PAPSS1: variants seen among roughly 807,000 people sequenced by gnomAD.
PAPSS1 encodes 3'-phosphoadenosine 5'-phosphosulfate synthase 1, also known as bifunctional 3'-phosphoadenosine 5'-phosphosulfate synthase 1.
In PAPSS1, 50 loss-of-function variants were observed where a neutral mutation model predicts 72.0. The observed-to-expected ratio is 0.69, with a 90% CI of 0.55 to 0.88. The LOEUF (loss-of-function observed/expected upper bound fraction) is 0.88, where lower values mean the gene tolerates loss of function less well. Ranked by LOEUF, PAPSS1 falls within the 40% of genes least tolerant of loss-of-function variation. The pLI is 0.00. For synonymous variants in PAPSS1, 261 were observed against 263.6 expected, an observed-to-expected ratio of 0.99 and a Z score of 0.09; for missense variants, 657 against 782.2, an observed-to-expected ratio of 0.84 and a Z score of 1.91.
chr4:107,659,607 A>C (rs1055036762), intron 6 of PAPSS1, among the ~76,000 whole-genome samples: 1 of 152,176 alleles, frequency 6.6e-6, no homozygotes, highest in Non-Finnish European at 1.5e-5. Flanking sequence ...GGATTAGAAA[A>C]CATGTCTGAA....
chr4:107,675,974 C>A (rs1475543150), intron 5 of PAPSS1, among the ~76,000 whole-genome samples: 5 of 152,124 alleles, frequency 3.3e-5, no homozygotes, highest in Admixed American at 6.6e-5. Context: ...GCCTTTGACA[C>A]AATTCAACAA....
chr4:107,660,178 C>T, intron 5 of PAPSS1, 106 bp from the exon 6 acceptor site: 1 of 605,272 alleles, frequency 1.7e-6, no homozygotes, highest in East Asian at 3.0e-5. Context: ...CAAAAAGTAG[C>T]ATAAAAGAAG....
chr4:107,682,706 A>C (rs1029017078), intron 4 of PAPSS1, among the ~76,000 whole-genome samples: 13 of 152,212 alleles, frequency 8.5e-5, no homozygotes, highest in African/African-American at 3.1e-4. Context: ...AATTCTCTAC[A>C]GGACATGGAC....
chr4:107,705,937 C>T (rs1054396232), intron 1 of PAPSS1, among the ~76,000 whole-genome samples: 6 of 152,154 alleles, frequency 3.9e-5, no homozygotes, highest in African/African-American at 1.4e-4. Flanking sequence ...ATACAGTATT[C>T]TTTGTTGGCA....
At chr4:107,709,830 T>C (rs961236850) in intron 1 of PAPSS1, among the ~76,000 whole-genome samples, 5 of 152,206 alleles carry the variant, frequency 3.3e-5, no homozygotes, top group African/African-American at 1.2e-4. Flanking sequence ...CTCTGGCCTC[T>C]AAATTTTGAG....
intron 9 of PAPSS1, among the ~76,000 whole-genome samples, chr4:107,652,226 C>T (rs1001927514): frequency 3.9e-5 from 6 of 152,194 alleles, no homozygotes; most frequent in African/African-American, 1.4e-4. Context: ...GTGCTTAGGG[C>T]CAAACCATCT....
intron 9 of PAPSS1, among the ~76,000 whole-genome samples, chr4:107,653,062 TATATATATGAATACATATATGA>T (rs1393501144): frequency 1.3e-5 from 2 of 150,162 alleles, no homozygotes; most frequent in East Asian, 2.0e-4. Context: ...TATATATGAA[TATATATATGAATACATATATGA>T]ATATATATGA....
At chr4:107,615,460 C>A (rs571198346) in intron 11 of PAPSS1, among the ~76,000 whole-genome samples, 1 of 152,258 alleles carries the variant, frequency 6.6e-6, no homozygotes, top group East Asian at 1.9e-4. Flanking sequence ...GTGGCCCTGG[C>A]TTCTGGAGGT....
At chr4:107,630,985 C>G (rs1041641222) in intron 11 of PAPSS1, among the ~76,000 whole-genome samples, 7 of 151,562 alleles carry the variant, frequency 4.6e-5, no homozygotes, top group African/African-American at 1.7e-4. Context: ...TTTCTGATGG[C>G]TCAATGTACA....
chr4:107,658,713 A>T (rs1371835194), intron 6 of PAPSS1, among the ~76,000 whole-genome samples: 2 of 149,914 alleles, frequency 1.3e-5, no homozygotes, highest in Non-Finnish European at 3.0e-5. Context: ...TCATGAAGAA[A>T]TTTTTTTTTT....
At chr4:107,701,358 C>A in intron 1 of PAPSS1, 73 bp from the exon 2 acceptor site, 1 of 937,510 alleles carries the variant, frequency 1.1e-6, no homozygotes, top group Non-Finnish European at 1.7e-6. Flanking sequence ...TCCTTGCAAA[C>A]ACACAAAAGT....
chr4:107,625,641 AC>A (rs1726074955), intron 11 of PAPSS1, among the ~76,000 whole-genome samples: 1 of 152,134 alleles, frequency 6.6e-6, no homozygotes, highest in African/African-American at 2.4e-5. Context: ...TGTCAAGCAC[AC>A]CCAGTCTTCT....
chr4:107,702,287 GT>G (rs1199082386), intron 1 of PAPSS1, among the ~76,000 whole-genome samples: 1 of 152,110 alleles, frequency 6.6e-6, no homozygotes, highest in Non-Finnish European at 1.5e-5. Context: ...TCAATACAGA[GT>G]TATCATATGA....
At chr4:107,648,809 CA>C (rs1726760396) in intron 9 of PAPSS1, among the ~76,000 whole-genome samples, 1 of 152,100 alleles carries the variant, frequency 6.6e-6, no homozygotes, top group African/African-American at 2.4e-5. Flanking sequence ...CCTGGAATAA[CA>C]AAGCAGTTTG....
chr4:107,655,935 A>G (rs1726994956), intron 7 of PAPSS1, among the ~76,000 whole-genome samples: 1 of 152,218 alleles, frequency 6.6e-6, no homozygotes, highest in Non-Finnish European at 1.5e-5. Context: ...TCTAATATCT[A>G]TTTCACCACC....
intron 4 of PAPSS1, among the ~76,000 whole-genome samples, chr4:107,682,976 T>C (rs1722675620): frequency 6.6e-6 from 1 of 152,220 alleles, no homozygotes; most frequent in Non-Finnish European, 1.5e-5. Flanking sequence ...ATTTTTCCTA[T>C]GGTATATGTG....
chr4:107,671,066 A>G (rs1161067920), intron 5 of PAPSS1, among the ~76,000 whole-genome samples: 1 of 152,224 alleles, frequency 6.6e-6, no homozygotes, highest in Admixed American at 6.5e-5. Flanking sequence ...GTTTTTAACC[A>G]TCAGGGAATA....
intron 5 of PAPSS1, among the ~76,000 whole-genome samples, chr4:107,672,876 G>A (rs554712092): frequency 1.8e-4 from 27 of 152,278 alleles, no homozygotes; most frequent in Admixed American, 9.8e-4. Flanking sequence ...CCAGAGGAAC[G>A]ATCAGGCAGC....
intron 4 of PAPSS1, among the ~76,000 whole-genome samples, chr4:107,684,392 C>T (rs1006612893): frequency 1.3e-5 from 2 of 152,268 alleles, no homozygotes; most frequent in Middle Eastern, 3.4e-3. Flanking sequence ...TTCATCAAAA[C>T]ATGTTTCTTT....
Sources: gnomAD v4.1 joint callset for allele counts (sites outside exome capture counted in the v4.1 genomes callset) on GRCh38, gnomAD v4.1.1 for gene constraint, MANE v1.5 for transcripts, NCBI Gene and HGNC (gene_info 2026-07-23, HGNC 2026-07-21) for gene names.